Variants in CSMD1 observed in about 807,000 individuals in gnomAD.
The protein encoded by CSMD1 is CUB and Sushi multiple domains 1.
Under a neutral mutation model 417.5 loss-of-function variants are expected in CSMD1, and 213 were observed. That is an observed-to-expected ratio of 0.51 (90% CI 0.46 to 0.57). CSMD1 has a LOEUF of 0.57. CSMD1 is among the 20% of genes least tolerant of loss of function. CSMD1 has a pLI of 0.00. For synonymous variants in CSMD1, 2,862 were observed against 1,736.8 expected, an observed-to-expected ratio of 1.65 and a Z score of -16.11; for missense variants, 6,923 against 4,529.7, an observed-to-expected ratio of 1.53 and a Z score of -15.17.
chr8:3,786,666 T>G (rs1211132864), intron 5 of CSMD1, among the ~76,000 whole-genome samples: 1 of 152,144 alleles, frequency 6.6e-6, no homozygotes, highest in African/African-American at 2.4e-5. Context: ...GATAAAATAC[T>G]ACAGACTTTG....
intron 3 of CSMD1, among the ~76,000 whole-genome samples, chr8:4,175,459 G>A (rs34526147): frequency 1.0e-5 from 1 of 97,412 alleles, no homozygotes; most frequent in African/African-American, 3.7e-5. Context: ...TTTTATGATA[G>A]CAAAAGCATC....
chr8:4,486,114 T>C (rs1205115639), intron 2 of CSMD1, among the ~76,000 whole-genome samples: 3 of 114,536 alleles, frequency 2.6e-5, no homozygotes, highest in Non-Finnish European at 5.1e-5. Context: ...TGTATGTATA[T>C]ATACATACAT....
chr8:4,401,046 T>A (rs980407400), intron 3 of CSMD1, among the ~76,000 whole-genome samples: 1 of 152,162 alleles, frequency 6.6e-6, no homozygotes, highest in African/African-American at 2.4e-5. Context: ...ACGCTGAGCA[T>A]GCAATATGAT....
At chr8:3,893,360 TA>T (rs1201592409) in intron 5 of CSMD1, among the ~76,000 whole-genome samples, 2 of 137,384 alleles carry the variant, frequency 1.5e-5, no homozygotes, top group Non-Finnish European at 3.2e-5. Context: ...TATATATATA[TA>T]TTATTTTTTT....
intron 5 of CSMD1, among the ~76,000 whole-genome samples, chr8:3,848,396 C>T (rs1186492248): frequency 6.6e-6 from 1 of 152,124 alleles, no homozygotes; most frequent in Non-Finnish European, 1.5e-5. Context: ...CTTCTCTAGG[C>T]ATAGTTGGTG....
At chr8:3,542,807 TTAGC>T (rs1312285532) in intron 10 of CSMD1, among the ~76,000 whole-genome samples, 8 of 152,188 alleles carry the variant, frequency 5.3e-5, no homozygotes, top group African/African-American at 1.9e-4. Flanking sequence ...CTTCGATGCT[TTAGC>T]TAAGCAAGAT....
At chr8:3,701,245 T>A (rs1343236755) in intron 7 of CSMD1, among the ~76,000 whole-genome samples, 1 of 152,130 alleles carries the variant, frequency 6.6e-6, no homozygotes, top group Non-Finnish European at 1.5e-5. Context: ...CTCAGTCCAT[T>A]CTGGAATTGG....
At chr8:3,259,421 A>C (rs1315230016) in intron 26 of CSMD1, among the ~76,000 whole-genome samples, 1 of 127,126 alleles carries the variant, frequency 7.9e-6, no homozygotes, top group Non-Finnish European at 1.8e-5. Flanking sequence ...GGCCTGAATG[A>C]ATGAGTGAAT....
At chr8:4,254,581 T>A (rs1288951564) in intron 3 of CSMD1, among the ~76,000 whole-genome samples, 8 of 152,160 alleles carry the variant, frequency 5.3e-5, no homozygotes, top group Non-Finnish European at 1.2e-4. Context: ...AGCCTTCACA[T>A]TCACTCACCA....
chr8:4,208,244 A>G (rs1164991642), intron 3 of CSMD1, among the ~76,000 whole-genome samples: 1 of 152,178 alleles, frequency 6.6e-6, no homozygotes, highest in Non-Finnish European at 1.5e-5. Flanking sequence ...TGCTCCTGTT[A>G]TAATTGCCTT....
intron 5 of CSMD1, among the ~76,000 whole-genome samples, chr8:3,883,301 T>G (rs1806328178): frequency 6.6e-6 from 1 of 152,176 alleles, no homozygotes; most frequent in African/African-American, 2.4e-5. Flanking sequence ...CTGTGAGAAC[T>G]GAACGACATA....
At chr8:4,762,871 T>A (rs569042220) in intron 1 of CSMD1, among the ~76,000 whole-genome samples, 3 of 152,208 alleles carry the variant, frequency 2.0e-5, no homozygotes, top group Non-Finnish European at 2.9e-5. Flanking sequence ...TAATAATATT[T>A]ATTAGGCATC....
At chr8:3,178,534 C>T (rs1821083884) in intron 37 of CSMD1, among the ~76,000 whole-genome samples, 2 of 152,256 alleles carry the variant, frequency 1.3e-5, no homozygotes, top group South Asian at 4.1e-4. Flanking sequence ...TAATAAAATG[C>T]ACTTTTCATG....
In CSMD1 at chr8:3,199,758, G is replaced by A; in HGVS notation, c.5150C>T (p.Ala1717Val). The A allele has an allele frequency of 1.3e-6, 2 of 1,588,324 alleles. No individual in the cohort carries two copies. The highest frequency in any genetic ancestry group is 1.7e-6 in the Non-Finnish European group (2 of 1,167,000). ...TSNQILLRFS[A>V]KSGASARGFH... is the part of the protein sequence containing the mutation. ...GCCGCGGGCAGAGGCACCGCTCTTT[G>A]CACTGAATCGGAGCAGAATTTGATT... The change falls in exon 33 of 70, where the codon GCA becomes GTA. Residue 1717 changes from alanine (A) to valine (V), a missense_variant. Coordinates refer to ENST00000635120, the MANE Select transcript of CSMD1 (RefSeq NM_033225.6).
intron 10 of CSMD1, among the ~76,000 whole-genome samples, chr8:3,550,511 T>C (rs1378659726): frequency 6.6e-6 from 1 of 152,218 alleles, no homozygotes; most frequent in African/African-American, 2.4e-5. Context: ...TTTCCATACA[T>C]ATAAGGTGTA....
At chr8:3,576,997 T>A (rs930971498) in intron 9 of CSMD1, among the ~76,000 whole-genome samples, 2 of 152,216 alleles carry the variant, frequency 1.3e-5, no homozygotes, top group African/African-American at 4.8e-5. Context: ...ATATTGGCAT[T>A]GTCGGCCTGC....
At chr8:4,900,128 G>A (rs894827363) in intron 1 of CSMD1, among the ~76,000 whole-genome samples, 1 of 151,864 alleles carries the variant, frequency 6.6e-6, no homozygotes, top group African/African-American at 2.4e-5. Context: ...TGGCTTTTGT[G>A]TCTTCTTCAC....
At chr8:4,983,241 G>A (rs1478098442) in intron 1 of CSMD1, among the ~76,000 whole-genome samples, 1 of 152,174 alleles carries the variant, frequency 6.6e-6, no homozygotes, top group Non-Finnish European at 1.5e-5. Flanking sequence ...ACAGTGACTG[G>A]AAGAAATCTT....
intron 33 of CSMD1, among the ~76,000 whole-genome samples, chr8:3,195,940 G>T (rs1402116594): frequency 6.6e-6 from 1 of 152,074 alleles, no homozygotes; most frequent in East Asian, 1.9e-4. Context: ...TCTTCAATAG[G>T]GGCTGTATAA....
Sources: allele counts gnomAD v4.1 joint callset (sites outside exome capture counted in the v4.1 genomes callset), GRCh38; gene constraint gnomAD v4.1.1; transcripts MANE v1.5; gene names NCBI Gene and HGNC (gene_info 2026-07-23, HGNC 2026-07-21).